Variants in MEIS3 observed in about 807,000 individuals in gnomAD.
The protein encoded by MEIS3 is Meis homeobox 3, also known as homeobox protein Meis3.
In MEIS3, 38 loss-of-function variants were observed where a neutral mutation model predicts 51.4. The ratio of observed to expected loss-of-function variants is 0.74; its 90% confidence interval spans 0.57 to 0.97. The LOEUF (loss-of-function observed/expected upper bound fraction) is 0.97, where lower values mean the gene tolerates loss of function less well. MEIS3 is among the 50% of genes least tolerant of loss of function. The pLI is 0.00. For missense variants in MEIS3, 456 were observed against 502.6 expected, an observed-to-expected ratio of 0.91 and a Z score of 0.89; for synonymous variants, 198 against 201.8, an observed-to-expected ratio of 0.98 and a Z score of 0.16.
Position 47,415,081 on chromosome 19 carries a change from C to A in MEIS3, c.417G>T (p.Val139=). 2 of 1,547,554 alleles carry A rather than the reference C, an allele frequency of 1.3e-6. No homozygotes were observed. Among genetic ancestry groups the A allele is most frequent in the Non-Finnish European group, 8.7e-7 (1 of 1,154,090 alleles). Residue 139 remains valine, a synonymous_variant, in exon 5 of 13, where the codon GTG becomes GTT. Transcript: ENST00000558555. Reference sequence around the variant, plus strand: ...CCAGCTCCAGCAGGTGGAACCGCAGCACCTGGATGGCCTGGATCATCTGAA... The same window carrying A: ...CCAGCTCCAGCAGGTGGAACCGCAGAACCTGGATGGCCTGGATCATCTGAA... The part of the protein sequence containing the change: ...LDNLMIQAIQ[V]LRFHLLELEK...
In MEIS3 at chr19:47,419,167, C is replaced by G; in HGVS notation, c.-86G>C. 9 of 1,072,350 alleles carry G rather than the reference C, an allele frequency of 8.4e-6. No individual in the cohort carries two copies. The highest frequency in any genetic ancestry group is 1.1e-5 in the Non-Finnish European group (9 of 843,894). 66.4% of individuals were successfully genotyped at this position (1,072,350 alleles called of 1,614,324 possible). ...GCCCGGGGCCGCAGCCCCTGACGGC[C>G]CGCGGTGTTGACGCCAGGGGGTGGG... On this transcript the variant is annotated 5_prime_UTR_variant, in exon 1 of 13. Coordinates refer to ENST00000558555, the MANE Select transcript of MEIS3 (RefSeq NM_001301059.2).
intron 1 of MEIS3, 155 bp downstream of exon 1, chr19:47,418,915 G>A (rs1280111592): frequency 2.3e-6 from 1 of 434,044 alleles, no homozygotes; most frequent in Non-Finnish European, 3.9e-6. Context: ...GGCACACAGG[G>A]ACTGGGAGAC....
intron 6 of MEIS3, among the ~76,000 whole-genome samples, chr19:47,412,956 G>A (rs1335015621): frequency 6.6e-5 from 10 of 151,480 alleles, no homozygotes; most frequent in Non-Finnish European, 8.8e-5. Context: ...TGCTCACCTC[G>A]GCCTCCCAAA....
chr19:47,411,317 C>T (rs562031454), intron 6 of MEIS3, among the ~76,000 whole-genome samples: 3 of 152,244 alleles, frequency 2.0e-5, no homozygotes, highest in Non-Finnish European at 4.4e-5. Flanking sequence ...GGCACAACCT[C>T]GTCATCAAAC....
upstream of MEIS3, among the ~76,000 whole-genome samples, chr19:47,420,533 GAGAC>G (rs1215516243): frequency 5.5e-3 from 719 of 130,208 alleles, 1 homozygote; most frequent in African/African-American, 0.021. Flanking sequence ...GAGAGAGAGA[GAGAC>G]AGAGACAGAC....
At chr19:47,418,683 A>C in intron 1 of MEIS3, 1 of 166,448 alleles carries the variant, frequency 6.0e-6, no homozygotes, top group Non-Finnish European at 1.2e-5. Context: ...GAAGCCCAGG[A>C]ACAGAGGAGA....
In MEIS3 at chr19:47,407,310, T is replaced by TCTCGCCCCGGGCCGGCCC; in HGVS notation, c.935+24_935+41dup. ...TCAGCACCGCGGACAGCGCCCGGGC[T>TCTCGCCCCGGGCCGGCCC]CTCGCCCCGGGCCGGCCCGCGGGCC... On this transcript the variant is annotated intron_variant, in intron 9 of 12. Coordinates refer to ENST00000558555, the MANE Select transcript of MEIS3 (RefSeq NM_001301059.2). 2.5e-6 allele frequency: 4 copies of TCTCGCCCCGGGCCGGCCC among 1,590,588 alleles called. No individual in the cohort carries two copies. In the South Asian group the frequency reaches 4.4e-5, roughly 18 times the overall value.
intron 1 of MEIS3, 74 bp downstream of exon 1, chr19:47,418,996 G>A (rs1971598861): frequency 9.7e-7 from 1 of 1,033,956 alleles, no homozygotes; most frequent in African/African-American, 1.7e-5. Context: ...GGGGGCCAGC[G>A]CCGGAGAGTG....
chr19:47,411,583 C>T (rs1971137010), intron 6 of MEIS3, among the ~76,000 whole-genome samples: 1 of 151,036 alleles, frequency 6.6e-6, no homozygotes, highest in African/African-American at 2.4e-5. Flanking sequence ...CCCTGTCCCC[C>T]AGGCTGGAGT....
chr19:47,420,359 T>C (rs1458206907), upstream of MEIS3, among the ~76,000 whole-genome samples: 1 of 151,664 alleles, frequency 6.6e-6, no homozygotes, highest in Non-Finnish European at 1.5e-5. Flanking sequence ...AAGGTCCCCT[T>C]AGCCCAGGCT....
upstream of MEIS3, among the ~76,000 whole-genome samples, chr19:47,420,280 C>G (rs1442090935): frequency 6.6e-6 from 1 of 152,166 alleles, no homozygotes. Flanking sequence ...TCAGCCAAGA[C>G]TTGGGGTGAG....
chr19:47,407,450 ACT>A (rs770003173), intron 8 of MEIS3, 22 bp from the exon 9 acceptor site: 1 of 1,613,340 alleles, frequency 6.2e-7, no homozygotes, highest in South Asian at 1.1e-5. Context: ...AGCAAGAGTC[ACT>A]CTGCCTGCCT....
intron 1 of MEIS3, chr19:47,417,866 C>A (rs965475983): frequency 1.3e-5 from 8 of 601,922 alleles, no homozygotes; most frequent in African/African-American, 1.9e-5. Context: ...GTAGACACAG[C>A]CATACACACC....
At chr19:47,408,946 G>A (rs113404913) in intron 8 of MEIS3, among the ~76,000 whole-genome samples, 153 bp downstream of exon 8, 1 of 151,904 alleles carries the variant, frequency 6.6e-6, no homozygotes, top group Non-Finnish European at 1.5e-5. Context: ...AGTGCTGCTG[G>A]CTCCTGTCAC....
intron 4 of MEIS3, chr19:47,415,799 C>G (rs1331033804): frequency 6.6e-6 from 1 of 152,178 alleles, no homozygotes. Context: ...TCTCGAACTC[C>G]TGACCTCAGG....
At chr19:47,410,125 G>C (rs1229594650) in intron 6 of MEIS3, among the ~76,000 whole-genome samples, 1 of 152,048 alleles carries the variant, frequency 6.6e-6, no homozygotes, top group East Asian at 1.9e-4. Context: ...TGGCCAACAT[G>C]GTGAAACCCC....
chr19:47,421,157 G>A (rs1184052180), upstream of MEIS3, among the ~76,000 whole-genome samples: 6 of 151,958 alleles, frequency 3.9e-5, no homozygotes, highest in South Asian at 4.2e-4. Flanking sequence ...TTCCCTGCCC[G>A]GCTGAGTGGC....
At chr19:47,419,025 G>C in intron 1 of MEIS3, 45 bp downstream of exon 1, 2 of 1,232,696 alleles carry the variant, frequency 1.6e-6, no homozygotes, top group Non-Finnish European at 1.0e-6. Context: ...AGGGACAGGG[G>C]GTGCGGAAGC....
chr19:47,421,598 T>C (rs991208143), upstream of MEIS3, among the ~76,000 whole-genome samples: 6 of 151,854 alleles, frequency 4.0e-5, no homozygotes, highest in African/African-American at 1.5e-4. Context: ...TCCTCCTCAT[T>C]CCAGGCTCTC....
Sources: gnomAD v4.1 joint callset for allele counts (sites outside exome capture counted in the v4.1 genomes callset) on GRCh38, gnomAD v4.1.1 for gene constraint, MANE v1.5 for transcripts, NCBI Gene and HGNC (gene_info 2026-07-23, HGNC 2026-07-21) for gene names.